Variants in SLC35D4 observed in about 807,000 individuals in gnomAD.
The protein encoded by SLC35D4 is solute carrier family 35 member D4, also known as UDP-N-acetylglucosamine transporter SLC35D4.
the SLC35D4 span, among the ~76,000 whole-genome samples, chr18:23,293,965 A>G: frequency 4.6e-5 from 7 of 151,518 alleles, no homozygotes; most frequent in African/African-American, 1.5e-4. Context: ...GCTAATTTTT[A>G]TTTTTTATTT....
the SLC35D4 span, among the ~76,000 whole-genome samples, chr18:23,287,384 G>T: frequency 5.3e-5 from 8 of 152,116 alleles, no homozygotes; most frequent in East Asian, 9.6e-4. Context: ...CACCCATCAG[G>T]CTCAGCAAAT....
the SLC35D4 span, chr18:23,257,429 A>G: frequency 1.1e-5 from 17 of 1,498,586 alleles, 1 homozygote; most frequent in South Asian, 1.7e-4. Context: ...GCACTTACTT[A>G]CTACTGGAAA....
the SLC35D4 span, among the ~76,000 whole-genome samples, chr18:23,374,195 T>C: frequency 6.6e-6 from 1 of 152,210 alleles, no homozygotes; most frequent in African/African-American, 2.4e-5. Context: ...TTAAAATCCT[T>C]TGTGCAACCC....
chr18:23,271,763 T>G, the SLC35D4 span, among the ~76,000 whole-genome samples: 1 of 151,932 alleles, frequency 6.6e-6, no homozygotes, highest in Non-Finnish European at 1.5e-5. Context: ...GAAGACTGAG[T>G]TGATCACCAA....
At chr18:23,300,182 GA>G in the SLC35D4 span, among the ~76,000 whole-genome samples, 1 of 152,294 alleles carries the variant, frequency 6.6e-6, no homozygotes, top group South Asian at 2.1e-4. Context: ...ACATGACTGT[GA>G]AAGGGAGGCG....
chr18:23,317,112 A>G, the SLC35D4 span, among the ~76,000 whole-genome samples: 1 of 151,928 alleles, frequency 6.6e-6, no homozygotes, highest in Non-Finnish European at 1.5e-5. Context: ...CTGGCTCAGT[A>G]GTTCTCAGCC....
the SLC35D4 span, among the ~76,000 whole-genome samples, chr18:23,394,855 T>C: frequency 6.6e-6 from 1 of 151,836 alleles, no homozygotes; most frequent in Non-Finnish European, 1.5e-5. Context: ...TGGTGGTGCA[T>C]GCCTGTAACC....
At chr18:23,373,830 G>A in the SLC35D4 span, 1 of 1,563,482 alleles carries the variant, frequency 6.4e-7, no homozygotes, top group Non-Finnish European at 8.7e-7. Flanking sequence ...TAAGAGCGTG[G>A]AGGTGAAAAT....
the SLC35D4 span, chr18:23,370,067 T>C: frequency 1.7e-6 from 1 of 584,036 alleles, no homozygotes; most frequent in African/African-American, 1.9e-5. Context: ...TAATCCCAGC[T>C]ACTCGGGAGG....
At chr18:23,356,078 A>G in the SLC35D4 span, among the ~76,000 whole-genome samples, 9 of 152,170 alleles carry the variant, frequency 5.9e-5, no homozygotes, top group African/African-American at 1.9e-4. This position sits in a 1 kb window ranked among gnomAD's most constrained non-coding sequence, Gnocchi z 4.1. Context: ...AAGACCAAGC[A>G]CTAATGATCA....
At chr18:23,394,531 C>A in the SLC35D4 span, among the ~76,000 whole-genome samples, 3 of 152,090 alleles carry the variant, frequency 2.0e-5, no homozygotes, top group Non-Finnish European at 4.4e-5. Flanking sequence ...TTGATAGTAT[C>A]CTTTAAAGCA....
At chr18:23,263,988 T>C in the SLC35D4 span, among the ~76,000 whole-genome samples, 51 of 152,362 alleles carry the variant, frequency 3.3e-4, 1 homozygote, top group East Asian at 8.3e-3. Flanking sequence ...TCCATCACCA[T>C]GAACTCGAGC....
chr18:23,386,124 C>CAAAAAAAAAAA, the SLC35D4 span, among the ~76,000 whole-genome samples: 17 of 40,686 alleles, frequency 4.2e-4, no homozygotes, highest in Non-Finnish European at 7.1e-4. Flanking sequence ...GACTCTGTCT[C>CAAAAAAAAAAA]AAAAAAAAAA....
the SLC35D4 span, among the ~76,000 whole-genome samples, chr18:23,378,199 C>CA: frequency 7.0e-6 from 1 of 142,000 alleles, no homozygotes; most frequent in South Asian, 2.3e-4. Flanking sequence ...TTCTTTCTTT[C>CA]TTTTTTTTTT....
At chr18:23,416,806 A>G in the SLC35D4 span, among the ~76,000 whole-genome samples, 9 of 152,260 alleles carry the variant, frequency 5.9e-5, no homozygotes, top group Admixed American at 5.2e-4. Flanking sequence ...CGAGATACGT[A>G]GAACCTAGCA....
chr18:23,316,154 G>T, the SLC35D4 span, among the ~76,000 whole-genome samples: 1 of 152,200 alleles, frequency 6.6e-6, no homozygotes, highest in Non-Finnish European at 1.5e-5. Context: ...GCTCCAGAAT[G>T]ACTTCCTCCA....
chr18:23,265,774 G>A, the SLC35D4 span, among the ~76,000 whole-genome samples: 1 of 152,008 alleles, frequency 6.6e-6, no homozygotes, highest in Admixed American at 6.5e-5. Context: ...CCCCACTGGA[G>A]AGGGTGGATG....
At chr18:23,386,476 G>C in the SLC35D4 span, among the ~76,000 whole-genome samples, 1 of 152,108 alleles carries the variant, frequency 6.6e-6, no homozygotes, top group South Asian at 2.1e-4. Flanking sequence ...ACCGGGCCCA[G>C]CCCTGCCCAC....
chr18:23,285,947 T>C, the SLC35D4 span, among the ~76,000 whole-genome samples: 4 of 152,182 alleles, frequency 2.6e-5, no homozygotes, highest in South Asian at 6.3e-4. Flanking sequence ...TCATCAAATA[T>C]AAAAATCCAG....
Sources: gnomAD v4.1 joint callset for allele counts (sites outside exome capture counted in the v4.1 genomes callset) on GRCh38, gnomAD v4.1.1 for gene constraint, Gnocchi (gnomAD v3.1) non-coding constraint, MANE v1.5 for transcripts, NCBI Gene and HGNC (gene_info 2026-07-23, HGNC 2026-07-21) for gene names.